The following PARD3B variants were observed in gnomAD, a reference collection of about 807,000 sequenced individuals.
PARD3B encodes the protein partitioning defective 3 homolog B.
In PARD3B, 103 loss-of-function variants were observed where a neutral mutation model predicts 130.2. The observed-to-expected ratio is 0.79, with a 90% CI of 0.67 to 0.93. The LOEUF (loss-of-function observed/expected upper bound fraction) is 0.93. Ranked by LOEUF, PARD3B falls within the 40% of genes least tolerant of loss-of-function variation. PARD3B has a pLI of 0.00. For synonymous variants in PARD3B, 583 were observed against 553.2 expected (o/e 1.05, Z -0.76); for missense variants, 1,609 against 1,499.2 (o/e 1.07, Z -1.21).
intron 18 of PARD3B, among the ~76,000 whole-genome samples, chr2:205,360,318 G>A (rs571539920): frequency 2.7e-4 from 41 of 151,782 alleles, no homozygotes; most frequent in African/African-American, 9.4e-4. Context: ...TTTCAGTGGT[G>A]TACCTCATAA....
chr2:205,449,251 C>T (rs1210386395), intron 20 of PARD3B, among the ~76,000 whole-genome samples: 2 of 149,024 alleles, frequency 1.3e-5, no homozygotes. Context: ...TGTTTGGAGA[C>T]AGGGTTTCCC....
Position 205,401,050 on chromosome 2 carries a change from G to A in PARD3B, c.2668G>A (p.Glu890Lys), listed in dbSNP as rs1348183817. ...GAAAGAGGATAAGGGTGGAAAGGCT[G>A]AGCAGAAAGGTACTCTGAAACATGG... Reference protein sequence around the residue: ...KKKEDKGGKAEQKGTLKHGGL... With the variant: ...KKKEDKGGKAKQKGTLKHGGL... Residue 890 changes from glutamate (E) to lysine (K), a missense_variant, in exon 19 of 23, where the codon GAG becomes AAG. By Grantham distance (56) the Glu-to-Lys change is moderately conservative (BLOSUM62 1). Transcript: ENST00000406610. 6.2e-7 allele frequency: 1 copy of A among 1,603,478 alleles called. No individual in the cohort carries two copies. Among genetic ancestry groups the A allele is most frequent in the Non-Finnish European group, 8.5e-7 (1 of 1,175,080 alleles).
intron 19 of PARD3B, among the ~76,000 whole-genome samples, chr2:205,411,839 G>A (rs558546206): frequency 6.6e-5 from 10 of 152,236 alleles, no homozygotes; most frequent in African/African-American, 2.2e-4. Flanking sequence ...ACAGTAGTGT[G>A]GGGGGTGCTG....
intron 2 of PARD3B, among the ~76,000 whole-genome samples, chr2:204,963,504 T>C (rs1171038564): frequency 1.3e-5 from 2 of 152,184 alleles, no homozygotes; most frequent in African/African-American, 4.8e-5. Flanking sequence ...GATTGGTATG[T>C]TAAATGTTAA....
Position 205,124,449 on chromosome 2 carries a change from G to A in PARD3B, c.1288G>A (p.Gly430Arg), listed in dbSNP as rs1227626566. 4 of 1,594,716 alleles carry A rather than the reference G, an allele frequency of 2.5e-6. No homozygotes were observed. The highest frequency in any genetic ancestry group is 2.3e-5 in the South Asian group (2 of 86,262). Residue 430 changes from glycine to arginine, a missense_variant, in exon 9 of 23, where the codon GGG (glycine) becomes AGG (arginine). Transcript: ENST00000406610. ...AAIKDGRLQS[G>R]DRILEVNGRD... ...AATAAAAGATGGCCGCCTACAATCA[G>A]GGGACAGAATTTTGGAGGTAAGAAT...
At chr2:205,180,953 T>A (rs1365510820) in intron 13 of PARD3B, among the ~76,000 whole-genome samples, 1 of 152,202 alleles carries the variant, frequency 6.6e-6, no homozygotes, top group Admixed American at 6.5e-5. Context: ...TGAGGAATCT[T>A]GCTGGCAGAT....
rs546068785 is a variant in PARD3B at position 204,724,186 on chromosome 2, T to G, written c.222+37904T>G. On this transcript the variant is annotated intron_variant, in intron 2 of 22. Coordinates refer to ENST00000406610, the MANE Select transcript of PARD3B (RefSeq NM_001302769.2). Reference sequence around the variant, plus strand: ...CACCTTAAAAAAGCAGTAGATATAGTTGGTTTTGTTAAGAAAAGTTTCATT... The same window carrying G: ...CACCTTAAAAAAGCAGTAGATATAGGTGGTTTTGTTAAGAAAAGTTTCATT... Among the ~76,000 whole-genome samples the G allele has an allele frequency of 5.9e-5, 9 of 152,280 alleles. No homozygotes were observed. In the South Asian group the frequency reaches 1.9e-3, roughly 32 times the overall value.
chr2:205,415,296 A>C (rs1038304681), intron 19 of PARD3B, among the ~76,000 whole-genome samples: 1 of 152,202 alleles, frequency 6.6e-6, no homozygotes, highest in Admixed American at 6.6e-5. Flanking sequence ...TTGATAATCA[A>C]TTCTGCTCCC....
At chr2:205,362,826 G>A (rs1184281602) in intron 18 of PARD3B, among the ~76,000 whole-genome samples, 2 of 152,182 alleles carry the variant, frequency 1.3e-5, no homozygotes, top group Non-Finnish European at 2.9e-5. Context: ...TTAGAAGCCG[G>A]CTTGCCTGAC....
chr2:205,092,158 G>A (rs967904585), intron 4 of PARD3B, among the ~76,000 whole-genome samples: 2 of 152,058 alleles, frequency 1.3e-5, no homozygotes, highest in Admixed American at 6.6e-5. Flanking sequence ...TAAAAGATAA[G>A]GCATGAGAGA....
rs2050386977 is a variant in PARD3B, at chr2:205,506,903, T to G, written c.3180+6872T>G. Among the ~76,000 whole-genome samples the G allele has an allele frequency of 2.6e-5, 4 of 152,326 alleles. No individual in the cohort carries two copies. In the South Asian group the frequency reaches 8.3e-4, roughly 32 times the overall value. ...TTAAAAGAAGTCCATAACCATATCT[T>G]GACTTCAGGCAAAGCTGGATCCAAC... is the stretch of plus-strand genomic sequence containing the variant. On this transcript the variant is annotated intron_variant, in intron 21 of 22. Transcript: ENST00000406610.
rs534897463 is a variant in PARD3B at position 205,570,653 on chromosome 2, C to T, written c.3260+17250C>T. 3.3e-5 allele frequency among the ~76,000 whole-genome samples: 5 copies of T among 152,276 alleles called. No homozygotes were observed. The South Asian group carries it at 6.2e-4, about 19-fold the overall frequency. On this transcript the variant is annotated intron_variant, in intron 22 of 22. Transcript: ENST00000406610. ...AAATCCCACAAAGCAGGTTGAATGG[C>T]ATCAAACTCATCCTCCTCGCTCCCA...
At chr2:205,340,984 A>C (rs2043503436) in intron 18 of PARD3B, among the ~76,000 whole-genome samples, 2 of 152,190 alleles carry the variant, frequency 1.3e-5, no homozygotes, top group African/African-American at 2.4e-5. Context: ...GCCAACAATT[A>C]CATTAAAAAA....
intron 1 of PARD3B, among the ~76,000 whole-genome samples, chr2:204,582,839 G>A (rs571389406): frequency 6.6e-6 from 1 of 152,252 alleles, no homozygotes; most frequent in Admixed American, 6.5e-5. Context: ...GGTGTGAGAT[G>A]GTATCTCATA....
intron 16 of PARD3B, among the ~76,000 whole-genome samples, chr2:205,256,119 G>C (rs1240914695): frequency 6.6e-6 from 1 of 151,994 alleles, no homozygotes; most frequent in Non-Finnish European, 1.5e-5. Flanking sequence ...GTCAGGAAAT[G>C]AGAGGAAAAC....
intron 16 of PARD3B, among the ~76,000 whole-genome samples, chr2:205,262,370 T>C (rs1247559287): frequency 2.6e-5 from 4 of 152,126 alleles, no homozygotes; most frequent in African/African-American, 9.7e-5. Context: ...TCTTTCTCTG[T>C]GCTTTTTTCT....
At chr2:204,730,083 T>C (rs1166514435) in intron 2 of PARD3B, among the ~76,000 whole-genome samples, 3 of 151,856 alleles carry the variant, frequency 2.0e-5, no homozygotes, top group Admixed American at 2.0e-4. Context: ...CTTTCTTTCT[T>C]TTTTGAGACG....
intron 4 of PARD3B, among the ~76,000 whole-genome samples, chr2:205,064,832 G>A (rs1022290269): frequency 6.6e-6 from 1 of 152,176 alleles, no homozygotes; most frequent in Admixed American, 6.6e-5. Context: ...ACAAAGATGT[G>A]TAAGTCATGT....
chr2:205,605,769 C>T (rs1016942832), intron 22 of PARD3B, among the ~76,000 whole-genome samples: 1 of 152,218 alleles, frequency 6.6e-6, no homozygotes, highest in Non-Finnish European at 1.5e-5. Flanking sequence ...CTGGCTGCCC[C>T]TTGGCGAAGG....
Sources: gnomAD v4.1 joint callset for allele counts (sites outside exome capture counted in the v4.1 genomes callset) on GRCh38, gnomAD v4.1.1 for gene constraint, MANE v1.5 for transcripts, NCBI Gene and HGNC (gene_info 2026-07-23, HGNC 2026-07-21) for gene names.